CCDC50: variants seen among roughly 807,000 people sequenced by gnomAD.
CCDC50 encodes the protein coiled-coil domain containing 50.
Under a neutral mutation model 70.2 loss-of-function variants are expected in CCDC50, and 54 were observed. The ratio of observed to expected loss-of-function variants is 0.77; its 90% CI spans 0.62 to 0.96. The LOEUF (loss-of-function observed/expected upper bound fraction) is 0.96. Ranked by LOEUF, CCDC50 falls within the 50% of genes least tolerant of loss-of-function variation. CCDC50 has a pLI of 0.00. For synonymous variants in CCDC50, 216 were observed against 198.8 expected, an observed-to-expected ratio of 1.09 and a Z score of -0.73; for missense variants, 558 against 578.7, an observed-to-expected ratio of 0.96 and a Z score of 0.37.
rs1216690326 is a variant in CCDC50 at position 191,395,619 on chromosome 3, A to G, written c.*3859A>G. 1 of 152,180 alleles carries G rather than the reference A, an allele frequency of 6.6e-6. No individual in the cohort carries two copies. Among genetic ancestry groups the G allele is most frequent in the Non-Finnish European group, 1.5e-5 (1 of 68,010 alleles). 9.4% of individuals were successfully genotyped at this position (152,180 alleles called of 1,614,324 possible). ...TTCTGAAGGACTGATAATAGAATAG[A>G]ACTTGCAGCCAAAGGCTTTTTCCCT... On this transcript the variant is annotated 3_prime_UTR_variant, in exon 12 of 12. Coordinates refer to ENST00000392455, the MANE Select transcript of CCDC50 (RefSeq NM_178335.3).
At chr3:191,376,814 A>T (rs1713129667) in intron 6 of CCDC50, among the ~76,000 whole-genome samples, 1 of 152,158 alleles carries the variant, frequency 6.6e-6, no homozygotes, top group Admixed American at 6.6e-5. Flanking sequence ...GAGTAGGTTT[A>T]TGAGGAGGTT....
Position 191,349,224 on chromosome 3 carries a change from T to A in CCDC50, c.50-7864T>A, listed in dbSNP as rs1712025291. Among the ~76,000 whole-genome samples, 2 of 142,442 alleles carry A rather than the reference T, an allele frequency of 1.4e-5. 1 individual carries two copies. The highest frequency in any genetic ancestry group is 1.4e-4 in the Admixed American group (2 of 13,942). The allele number at this position is 142,442 out of a possible 152,430, so 93.4% of individuals were successfully genotyped here. A position where few individuals can be genotyped will look rare whatever the true frequency, so the allele number is the denominator to read the frequency against. On this transcript the variant is annotated intron_variant, in intron 1 of 11. Coordinates refer to ENST00000392455, the MANE Select transcript of CCDC50 (RefSeq NM_178335.3). ...ATTAGGATAAGATCTATTCAGTTTCTCTGAATCCCATTTCTCTTTTACTGT... is the reference window on the plus strand; with the variant it reads ...ATTAGGATAAGATCTATTCAGTTTCACTGAATCCCATTTCTCTTTTACTGT...
chr3:191,382,739 T>C lies in CCDC50; in HGVS notation c.1243-7T>C. On this transcript the variant is annotated splice_polypyrimidine_tract_variant and splice_region_variant and intron_variant, in intron 9 of 11. Coordinates refer to ENST00000392455, the MANE Select transcript of CCDC50 (RefSeq NM_178335.3). ...TTTTGTTTGTTTGTTTGTATTTTTG[T>C]CCATAGCCAAAAACAGCTAAAGCAG... 2 of 1,588,804 alleles carry C rather than the reference T, an allele frequency of 1.3e-6. No homozygotes were observed. Among genetic ancestry groups the C allele is most frequent in the Non-Finnish European group, 1.7e-6 (2 of 1,157,668 alleles).
chr3:191,370,492 T>G (rs1054411637), intron 5 of CCDC50, among the ~76,000 whole-genome samples: 10 of 151,212 alleles, frequency 6.6e-5, no homozygotes, highest in South Asian at 2.1e-4. Flanking sequence ...TTTTGTTTTT[T>G]TTTTTGTTTT....
intron 3 of CCDC50, among the ~76,000 whole-genome samples, chr3:191,360,198 G>A (rs1423399889): frequency 1.3e-5 from 2 of 152,222 alleles, no homozygotes; most frequent in Non-Finnish European, 1.5e-5. Context: ...TGCTTTCTCA[G>A]TTTCGCTTTC....
intron 5 of CCDC50, 27 bp downstream of exon 5, chr3:191,370,063 T>G: frequency 1.4e-6 from 2 of 1,460,750 alleles, no homozygotes; most frequent in Non-Finnish European, 1.9e-6. Context: ...CATGATCTAT[T>G]CTATCCTTAG....
chr3:191,389,467 T>C (rs771592104), intron 10 of CCDC50, 29 bp from the exon 11 acceptor site: 2 of 1,553,132 alleles, frequency 1.3e-6, no homozygotes, highest in South Asian at 2.2e-5. Context: ...TTACTTAGAA[T>C]GCCCCTTTAA....
chr3:191,329,801 A>T, intron 1 of CCDC50, 78 bp downstream of exon 1: 1 of 1,489,472 alleles, frequency 6.7e-7, no homozygotes, highest in Non-Finnish European at 9.2e-7. Context: ...GGGCGTTGCC[A>T]TTTCGGCTCC....
chr3:191,364,755 A>C (rs1264983121), intron 4 of CCDC50, among the ~76,000 whole-genome samples: 2 of 151,980 alleles, frequency 1.3e-5, no homozygotes, highest in East Asian at 3.9e-4. Flanking sequence ...TGCAGGACAC[A>C]GATGTGGAAA....
At chr3:191,378,106 T>C (rs573249741) in intron 6 of CCDC50, among the ~76,000 whole-genome samples, 1 of 152,272 alleles carries the variant, frequency 6.6e-6, no homozygotes, top group Admixed American at 6.5e-5. Context: ...TGCAGAAATT[T>C]AGTATTCCAG....
intron 4 of CCDC50, among the ~76,000 whole-genome samples, chr3:191,366,754 A>C (rs984435789): frequency 6.6e-6 from 1 of 152,032 alleles, no homozygotes; most frequent in Non-Finnish European, 1.5e-5. Flanking sequence ...TTCTATTGAA[A>C]GGTGTGTTTT....
chr3:191,339,134 A>G (rs553473011), intron 1 of CCDC50, among the ~76,000 whole-genome samples: 4 of 152,340 alleles, frequency 2.6e-5, no homozygotes, highest in African/African-American at 4.8e-5. Context: ...GTTGGAAACA[A>G]TGAATATACA....
At chr3:191,341,865 A>G (rs543048742) in intron 1 of CCDC50, among the ~76,000 whole-genome samples, 21 of 152,334 alleles carry the variant, frequency 1.4e-4, no homozygotes, top group African/African-American at 5.1e-4. Context: ...GGCTTCCTCA[A>G]GTCTGCTGTG....
Position 191,375,083 on chromosome 3 carries a change from C to A in CCDC50, c.470C>A (p.Ala157Asp). 6.2e-7 allele frequency: 1 copy of A among 1,613,390 alleles called. No individual in the cohort carries two copies. The highest frequency in any genetic ancestry group is 1.3e-5 in the African/African-American group (1 of 74,956). The change falls in exon 6 of 12, where the codon GCC becomes GAC. Residue 157 changes from alanine (A) to aspartate (D), a missense_variant. Coordinates refer to ENST00000392455, the MANE Select transcript of CCDC50 (RefSeq NM_178335.3). ...EDGDQPGSRR[A>D]RELGSGFSRP... is the part of the protein sequence containing the mutation. ...TCAGACCAACCAGGGTCAAGGAGGG[C>A]CAGGGAATTGGGTTCTGGATTCTCA...
intron 3 of CCDC50, among the ~76,000 whole-genome samples, chr3:191,359,371 A>G (rs1350571904): frequency 6.6e-6 from 1 of 152,164 alleles, no homozygotes; most frequent in African/African-American, 2.4e-5. Flanking sequence ...TGGAGAGTGT[A>G]TTTACAGGCA....
At position 191,380,914 on chromosome 3, in the gene CCDC50, G is replaced by T; in HGVS notation, c.1224G>T (p.Lys408Asn). The change falls in exon 9 of 12, where the codon AAG becomes AAT. Residue 408 changes from lysine (K) to asparagine (N), a missense_variant. Transcript: ENST00000392455. ...EREKSSLDKR[K>N]QDPEWKPKTA... is the part of the protein sequence containing the mutation. ...AGAAATCATCTTTGGACAAAAGAAAGCAAGACCCCGAGTGGAAGGTAGAGT... is the reference window on the plus strand; with the variant it reads ...AGAAATCATCTTTGGACAAAAGAAATCAAGACCCCGAGTGGAAGGTAGAGT... 1 of 1,612,428 alleles carries T rather than the reference G, an allele frequency of 6.2e-7. No homozygotes were observed. The highest frequency in any genetic ancestry group is 8.5e-7 in the Non-Finnish European group (1 of 1,178,940).
In CCDC50 at chr3:191,397,119, T is replaced by C. The variant is rs1416258500; in HGVS notation, c.*5359T>C. The C allele has an allele frequency of 6.6e-6, 1 of 152,114 alleles. No individual in the cohort carries two copies. The highest frequency in any genetic ancestry group is 6.6e-5 in the Admixed American group (1 of 15,258). 9.4% of individuals were successfully genotyped at this position (152,114 alleles called of 1,614,324 possible). On this transcript the variant is annotated 3_prime_UTR_variant, in exon 12 of 12. Transcript: ENST00000392455. The stretch of plus-strand genomic sequence containing the variant: ...TATAAAGAATAGAAAAATTGAAAGA[T>C]GGGTTTGGGCGACATTTTCTTCCCA...
rs1560176244 is a variant in CCDC50, at chr3:191,396,539, G to C, written c.*4779G>C. 6.6e-6 allele frequency: 1 copy of C among 152,070 alleles called. No homozygotes were observed. Among genetic ancestry groups the C allele is most frequent in the African/African-American group, 2.4e-5 (1 of 41,406 alleles). The allele number at this position is 152,070 out of a possible 1,614,324, so 9.4% of individuals were successfully genotyped here. ...TAACTGAGAGTTGACTGTCTTCTAT[G>C]GTGACTACATAGAAGATATTTCCAA... On this transcript the variant is annotated 3_prime_UTR_variant, in exon 12 of 12. Transcript: ENST00000392455.
Position 191,375,607 on chromosome 3 carries a change from C to T in CCDC50, c.976+18C>T, listed in dbSNP as rs375958338. The T allele has an allele frequency of 3.0e-5, 48 of 1,609,354 alleles. No homozygotes were observed. Among genetic ancestry groups the T allele is most frequent in the Non-Finnish European group, 3.8e-5 (45 of 1,177,936 alleles). ...TGACGCAGGTAATAGAGGACAGTCT[C>T]GATGGAAGTCCTGGTATCATGTATA... On this transcript the variant is annotated intron_variant, in intron 6 of 11. Transcript: ENST00000392455.
Sources: gnomAD v4.1 joint callset for allele counts (sites outside exome capture counted in the v4.1 genomes callset) on GRCh38, gnomAD v4.1.1 for gene constraint, MANE v1.5 for transcripts, NCBI Gene and HGNC (gene_info 2026-07-23, HGNC 2026-07-21) for gene names.